METTL25: variants seen among roughly 807,000 people sequenced by gnomAD.
METTL25 encodes the protein methyltransferase like 25.
METTL25 carries 64 observed loss-of-function variants against 71.6 expected under a neutral mutation model. That is an observed-to-expected ratio of 0.89 (90% confidence interval 0.73 to 1.10). The LOEUF is 1.10. Among genes scored for constraint, METTL25 ranks in the 50% least tolerant of loss-of-function variants. METTL25 has a pLI of 0.00. For synonymous variants in METTL25, 287 were observed against 250.3 expected (o/e 1.15, Z -1.38); for missense variants, 807 against 707.0 (o/e 1.14, Z -1.60).
At chr12:82,393,780 A>T (rs369874650) in intron 3 of METTL25, among the ~76,000 whole-genome samples, 183 of 151,434 alleles carry the variant, frequency 1.2e-3, no homozygotes, top group African/African-American at 4.4e-3. Flanking sequence ...TCCTCTATTA[A>T]TTTTAGGTTT....
At chr12:82,373,847 C>G (rs149921971) in intron 1 of METTL25, among the ~76,000 whole-genome samples, 1 of 152,324 alleles carries the variant, frequency 6.6e-6, no homozygotes, top group Non-Finnish European at 1.5e-5. Context: ...ACACCTGTGT[C>G]TTTAGTCTGG....
chr12:82,472,226 T>G (rs1187216828), intron 9 of METTL25, among the ~76,000 whole-genome samples: 3 of 152,160 alleles, frequency 2.0e-5, no homozygotes, highest in African/African-American at 7.2e-5. Flanking sequence ...CATAAAAGTG[T>G]GAGAAACTCT....
At chr12:82,412,333 A>G (rs1887615044) in intron 5 of METTL25, among the ~76,000 whole-genome samples, 1 of 152,100 alleles carries the variant, frequency 6.6e-6, no homozygotes, top group African/African-American at 2.4e-5. Flanking sequence ...TGATTTCATA[A>G]GGCTTTAATG....
chr12:82,438,727 G>T lies in METTL25; in HGVS notation c.1414G>T (p.Glu472Ter). 1 of 1,489,274 alleles carries T rather than the reference G, an allele frequency of 6.7e-7. No homozygotes were observed. Among genetic ancestry groups the T allele is most frequent in the Non-Finnish European group, 9.0e-7 (1 of 1,113,610 alleles). 92.3% of individuals were successfully genotyped at this position (1,489,274 alleles called of 1,614,324 possible). A position where few individuals can be genotyped will look rare whatever the true frequency, so the allele number is the denominator to read the frequency against. The part of the protein sequence containing the change: ...RVAAGQGLPT[E>*]SLFYRAVLQD... ...TCTACATTTTTTTCAGCTGCCTACTGAATCACTCTTCTATCGTGCTGTTCT... is the reference window on the plus strand; with the variant it reads ...TCTACATTTTTTTCAGCTGCCTACTTAATCACTCTTCTATCGTGCTGTTCT... The change falls in exon 8 of 12, where the codon GAA (glutamate) becomes TAA (stop). Residue 472 changes from glutamate (E) to a stop codon, truncating the protein, a stop_gained. Coordinates refer to ENST00000248306, the MANE Select transcript of METTL25 (RefSeq NM_032230.3). LOFTEE classifies it high-confidence loss of function.
chr12:82,442,796 A>G (rs1048920156), intron 8 of METTL25, among the ~76,000 whole-genome samples: 10 of 152,292 alleles, frequency 6.6e-5, no homozygotes, highest in Non-Finnish European at 1.0e-4. Flanking sequence ...TTTAATTTAA[A>G]GAACTATGCT....
chr12:82,415,977 A>G (rs968474102), intron 5 of METTL25, among the ~76,000 whole-genome samples: 3 of 152,114 alleles, frequency 2.0e-5, no homozygotes, highest in African/African-American at 2.4e-5. Flanking sequence ...CCATTTTACT[A>G]TTACCAACTC....
At chr12:82,467,189 A>G (rs921732970) in intron 9 of METTL25, among the ~76,000 whole-genome samples, 3 of 151,576 alleles carry the variant, frequency 2.0e-5, no homozygotes, top group African/African-American at 4.8e-5. Flanking sequence ...TAGACCATTT[A>G]CATTCAGGGT....
chr12:82,383,048 G>A (rs1884596356), intron 1 of METTL25, among the ~76,000 whole-genome samples: 1 of 151,996 alleles, frequency 6.6e-6, no homozygotes, highest in South Asian at 2.1e-4. Flanking sequence ...TGTGGAGAGG[G>A]AGGTGTAGAG....
chr12:82,411,295 A>G (rs1367112504), intron 5 of METTL25, among the ~76,000 whole-genome samples: 1 of 152,034 alleles, frequency 6.6e-6, no homozygotes, highest in African/African-American at 2.4e-5. Flanking sequence ...GAAAAATTCA[A>G]GAAGCATTTA....
At chr12:82,424,545 T>G (rs557166096) in intron 5 of METTL25, among the ~76,000 whole-genome samples, 6 of 1,664 alleles carry the variant, frequency 3.6e-3, no homozygotes, top group Admixed American at 0.022. Flanking sequence ...TATAAAACTA[T>G]ATATATATAT....
At chr12:82,444,284 C>G (rs978249630) in intron 8 of METTL25, among the ~76,000 whole-genome samples, 2 of 152,016 alleles carry the variant, frequency 1.3e-5, no homozygotes, top group African/African-American at 4.8e-5. Flanking sequence ...TAACTGTCAA[C>G]CGATAATATG....
chr12:82,358,955 C>T (rs904965113), intron 1 of METTL25, 131 bp downstream of exon 1: 9 of 1,021,622 alleles, frequency 8.8e-6, no homozygotes, highest in East Asian at 2.6e-5. Context: ...GCTGGGAAAC[C>T]GAGGAGGGGT....
intron 8 of METTL25, chr12:82,439,733 G>C (rs779728412): frequency 7.5e-6 from 2 of 265,604 alleles, no homozygotes. Context: ...ATGTGCTCCT[G>C]AAAACTAGTT....
chr12:82,424,086 CAT>C (rs1888767974), intron 5 of METTL25, among the ~76,000 whole-genome samples: 1 of 152,142 alleles, frequency 6.6e-6, no homozygotes, highest in African/African-American at 2.4e-5. Flanking sequence ...CACATGCACA[CAT>C]ATGTTTATTG....
At chr12:82,474,090 G>A (rs765035028) in intron 9 of METTL25, among the ~76,000 whole-genome samples, 87 of 152,164 alleles carry the variant, frequency 5.7e-4, no homozygotes, top group Non-Finnish European at 1.6e-4. Flanking sequence ...ATGCAGCTGT[G>A]AGGGTTCCTG....
chr12:82,454,723 A>G (rs1256968934), intron 8 of METTL25, among the ~76,000 whole-genome samples: 2 of 151,924 alleles, frequency 1.3e-5, no homozygotes, highest in African/African-American at 4.8e-5. Context: ...ACACCCAGGA[A>G]ACAAACCAAT....
intron 1 of METTL25, among the ~76,000 whole-genome samples, chr12:82,366,900 T>TA (rs1340367337): frequency 1.3e-5 from 2 of 152,206 alleles, no homozygotes; most frequent in African/African-American, 4.8e-5. Flanking sequence ...TATAACAAGA[T>TA]AGTGGCCAGT....
chr12:82,434,627 T>A, intron 6 of METTL25, 68 bp from the exon 7 acceptor site: 1 of 1,246,020 alleles, frequency 8.0e-7, no homozygotes, highest in Non-Finnish European at 1.1e-6. Context: ...CAAACTCTTA[T>A]ACAGTGTGTT....
At position 82,461,612 on chromosome 12, in the gene METTL25, CCTA is replaced by C. The variant is rs1385057104; in HGVS notation, c.1572+4794_1572+4796del. On this transcript the variant is annotated intron_variant, in intron 9 of 11. Transcript: ENST00000248306. ...TAGCAATCATCAGGCAAACAATAAA[CCTA>C]CGAGAAAAAAAATAAAGAGAAAATT... 2.0e-5 allele frequency among the ~76,000 whole-genome samples: 3 copies of C among 151,618 alleles called. No homozygotes were observed. In the East Asian group the frequency reaches 5.8e-4, roughly 29 times the overall value.
Sources: gnomAD v4.1 joint callset for allele counts (sites outside exome capture counted in the v4.1 genomes callset) on GRCh38, gnomAD v4.1.1 for gene constraint, MANE v1.5 for transcripts, NCBI Gene and HGNC (gene_info 2026-07-23, HGNC 2026-07-21) for gene names.